The following COL5A1 variants were observed in gnomAD, a reference collection of about 807,000 sequenced individuals.
COL5A1 encodes collagen alpha-1(V) chain.
Under a neutral mutation model 263.7 loss-of-function variants are expected in COL5A1, and 16 were observed. The ratio of observed to expected loss-of-function variants is 0.06; its 90% CI spans 0.04 to 0.09. COL5A1 has a LOEUF of 0.09. Ranked by LOEUF, COL5A1 falls within the 10% of genes least tolerant of loss-of-function variation. COL5A1 has a pLI of 1.00. For synonymous variants in COL5A1, 1,012 were observed against 1,004.5 expected (o/e 1.01, Z -0.14); for missense variants, 2,036 against 2,540.5 (o/e 0.80, Z 4.27).
intron 2 of COL5A1, among the ~76,000 whole-genome samples, 190 bp downstream of exon 2, chr9:134,691,269 C>T (rs868118808): frequency 5.3e-4 from 78 of 147,328 alleles, no homozygotes; most frequent in African/African-American, 1.7e-3. Context: ...TCCTTCTGGA[C>T]GGGACTGGGC....
rs1403818889 is a variant in COL5A1, at chr9:134,842,641, CAG to C, written c.*339_*340del. ...ACCCATCCTGTTCGTGAATAGGTCT[CAG>C]GGGTTGGGGGAGGGACTGCCAGATT... On this transcript the variant is annotated 3_prime_UTR_variant, in exon 66 of 66. Coordinates refer to ENST00000371817, the MANE Select transcript of COL5A1 (RefSeq NM_000093.5). The surrounding 1 kb of genome is among the most constrained non-coding windows in gnomAD (Gnocchi z 5.8). 14 of 445,432 alleles carry C rather than the reference CAG, an allele frequency of 3.1e-5. No individual in the cohort carries two copies. The highest frequency in any genetic ancestry group is 1.2e-4 in the Admixed American group (3 of 25,566). The allele number at this position is 445,432 out of a possible 1,614,324, so 27.6% of individuals were successfully genotyped here.
Position 134,802,754 on chromosome 9 carries a change from G to T in COL5A1, c.3007-134G>T, listed in dbSNP as rs979311950. On this transcript the variant is annotated intron_variant, in intron 38 of 65. Coordinates refer to ENST00000371817, the MANE Select transcript of COL5A1 (RefSeq NM_000093.5). ...TGCCGGGAAGAGAAGGCTTGCAAAGGCACTTGGAGGTTTGGTGTGCCCGCA... is the reference window on the plus strand; with the variant it reads ...TGCCGGGAAGAGAAGGCTTGCAAAGTCACTTGGAGGTTTGGTGTGCCCGCA... The T allele has an allele frequency of 1.2e-5, 9 of 721,670 alleles. No individual in the cohort carries two copies. In the Admixed American group the frequency reaches 1.6e-4, roughly 13 times the overall value. 44.7% of individuals were successfully genotyped at this position (721,670 alleles called of 1,614,324 possible).
intron 4 of COL5A1, among the ~76,000 whole-genome samples, chr9:134,718,969 A>G (rs1834360414): frequency 6.6e-6 from 1 of 152,192 alleles, no homozygotes; most frequent in African/African-American, 2.4e-5. Context: ...TCAGTGTGAA[A>G]CACCAGGGTC....
At chr9:134,809,806 G>A (rs1838449650) in intron 43 of COL5A1, among the ~76,000 whole-genome samples, 3 of 152,162 alleles carry the variant, frequency 2.0e-5, no homozygotes, top group African/African-American at 7.2e-5. Context: ...TTCTATTGAT[G>A]ACCCCTCTCT....
chr9:134,644,280 G>GC (rs1165841995), intron 1 of COL5A1, among the ~76,000 whole-genome samples: 2 of 19,130 alleles, frequency 1.0e-4, no homozygotes, highest in Admixed American at 5.0e-4. Context: ...GCAGGCGCTG[G>GC]GGGGAGGGGG....
chr9:134,736,450 A>G (rs1835101069), intron 9 of COL5A1, among the ~76,000 whole-genome samples: 1 of 152,212 alleles, frequency 6.6e-6, no homozygotes. Flanking sequence ...GCCCGCTCCC[A>G]TCGTAGCTGC....
intron 39 of COL5A1, among the ~76,000 whole-genome samples, chr9:134,803,348 AC>A (rs1341460743): frequency 6.6e-6 from 1 of 151,912 alleles, no homozygotes; most frequent in Non-Finnish European, 1.5e-5. Flanking sequence ...AAAACCCCTC[AC>A]CCCAGCCAGG....
chr9:134,667,274 G>A (rs764923144), intron 1 of COL5A1, among the ~76,000 whole-genome samples: 2 of 152,204 alleles, frequency 1.3e-5, no homozygotes, highest in African/African-American at 2.4e-5. Flanking sequence ...GCCATGCATG[G>A]CACCTGTCCC....
chr9:134,815,800 C>T, intron 51 of COL5A1, 135 bp from the exon 52 acceptor site: 1 of 1,284,386 alleles, frequency 7.8e-7, no homozygotes, highest in Non-Finnish European at 1.1e-6. Context: ...CGCCTTTGAC[C>T]CCACTGACCA....
At chr9:134,813,607 C>T (rs950999147) in intron 48 of COL5A1, among the ~76,000 whole-genome samples, 23 of 152,256 alleles carry the variant, frequency 1.5e-4, no homozygotes, top group African/African-American at 3.9e-4. Flanking sequence ...TCCCTCTGGC[C>T]TGTGTCCCTG....
chr9:134,643,790 C>A (rs368392916), intron 1 of COL5A1, among the ~76,000 whole-genome samples: 1 of 152,140 alleles, frequency 6.6e-6, no homozygotes, highest in African/African-American at 2.4e-5. Context: ...CCTGTCTCAG[C>A]GCCTCTGGGG....
In COL5A1 at chr9:134,700,214, C is replaced by T. The variant is rs11103469; in HGVS notation, c.491+92C>T. The T allele has an allele frequency of 0.042, 52,206 of 1,234,122 alleles. 1,228 individuals are homozygous for T. Among genetic ancestry groups the T allele is most frequent in the South Asian group, 0.077 (5,955 of 77,714 alleles). The allele number at this position is 1,234,122 out of a possible 1,614,324, so 76.4% of individuals were successfully genotyped here. On this transcript the variant is annotated intron_variant, in intron 3 of 65. Coordinates refer to ENST00000371817, the MANE Select transcript of COL5A1 (RefSeq NM_000093.5). This position sits in a 1 kb window ranked among gnomAD's most constrained non-coding sequence, Gnocchi z 4.0. ...ACCAGATGTGGGGCACAGTAGAGGA[C>T]GTGCAGCAGCCGGTACTGAGACTCC...
rs2132726314 is a variant in COL5A1 at position 134,765,847 on chromosome 9, G to A, written c.2088+113G>A. On this transcript the variant is annotated intron_variant, in intron 21 of 65. Transcript: ENST00000371817. The surrounding 1 kb of genome is among the most constrained non-coding windows in gnomAD (Gnocchi z 5.1). The stretch of plus-strand genomic sequence containing the variant: ...CAGCAAGTCCGTGCTGGCCCCTCTG[G>A]CGCCTGCCTGCTGCCAGTGTGAGGC... The A allele has an allele frequency of 3.7e-6, 3 of 820,172 alleles. No homozygotes were observed. The highest frequency in any genetic ancestry group is 5.9e-6 in the Non-Finnish European group (3 of 509,770). 50.8% of individuals were successfully genotyped at this position (820,172 alleles called of 1,614,324 possible). A position where few individuals can be genotyped will look rare whatever the true frequency, so the allele number is the denominator to read the frequency against.
chr9:134,735,843 C>G (rs1835076504), intron 9 of COL5A1, among the ~76,000 whole-genome samples: 1 of 152,238 alleles, frequency 6.6e-6, no homozygotes, highest in South Asian at 2.1e-4. Context: ...GAGTGTGCAT[C>G]TGTGTAAACA....
intron 48 of COL5A1, 47 bp downstream of exon 48, chr9:134,812,759 AGT>A (rs375849402): frequency 4.4e-4 from 424 of 967,304 alleles, no homozygotes; most frequent in Non-Finnish European, 5.5e-4. Flanking sequence ...TTGTTTGAGG[AGT>A]GTGTGTGTGT....
At position 134,843,182 on chromosome 9, in the gene COL5A1, T is replaced by A. The variant is rs539366434; in HGVS notation, c.*879T>A. The A allele has an allele frequency of 7.1e-6, 1 of 140,448 alleles. No homozygotes were observed. The highest frequency in any genetic ancestry group is 1.6e-5 in the Non-Finnish European group (1 of 64,256). 8.7% of individuals were successfully genotyped at this position (140,448 alleles called of 1,614,324 possible). On this transcript the variant is annotated 3_prime_UTR_variant, in exon 66 of 66. Transcript: ENST00000371817. Reference sequence around the variant, plus strand: ...TTTTTTTTTTTTAATAGGGAAAAAATTTGATAATTTTCTTTTTTCTACATG... The same window carrying A: ...TTTTTTTTTTTTAATAGGGAAAAAAATTGATAATTTTCTTTTTTCTACATG...
At chr9:134,673,214 A>G (rs554657169) in intron 1 of COL5A1, among the ~76,000 whole-genome samples, 1 of 152,336 alleles carries the variant, frequency 6.6e-6, no homozygotes, top group East Asian at 1.9e-4. Context: ...AACCAAAACA[A>G]TTTTGAAAAA....
At chr9:134,691,220 T>G in intron 2 of COL5A1, 141 bp downstream of exon 2, 3 of 1,089,712 alleles carry the variant, frequency 2.8e-6, no homozygotes, top group Non-Finnish European at 4.0e-6. Flanking sequence ...CGGCTTCGTT[T>G]CACTGTAGTG....
intron 1 of COL5A1, among the ~76,000 whole-genome samples, chr9:134,668,633 A>T (rs1428137801): frequency 1.3e-5 from 2 of 151,788 alleles, no homozygotes; most frequent in Non-Finnish European, 2.9e-5. Flanking sequence ...GTATATACCA[A>T]CCCATCCATC....
Sources: gnomAD v4.1 joint callset for allele counts (sites outside exome capture counted in the v4.1 genomes callset) on GRCh38, gnomAD v4.1.1 for gene constraint, Gnocchi (gnomAD v3.1) non-coding constraint, MANE v1.5 for transcripts, NCBI Gene and HGNC (gene_info 2026-07-23, HGNC 2026-07-21) for gene names.